OR14A2: variants seen among roughly 807,000 people sequenced by gnomAD.
The protein encoded by OR14A2 is olfactory receptor 14A2.
For synonymous variants in OR14A2, 114 were observed against 58.6 expected (o/e 1.95, Z -4.32); for missense variants, 237 against 152.9 (o/e 1.55, Z -2.90).
chr1:247,742,267 TACACACACACACGC>T, the OR14A2 span, among the ~76,000 whole-genome samples: 2 of 151,960 alleles, frequency 1.3e-5, no homozygotes, highest in African/African-American at 4.8e-5. Flanking sequence ...GTTGAGATAA[TACACACACACACGC>T]ACACACACAC....
chr1:247,739,631 C>T, the OR14A2 span: 1 of 649,176 alleles, frequency 1.5e-6, no homozygotes, highest in Non-Finnish European at 2.8e-6. Context: ...TTAAAATTAT[C>T]TCTATTTTGG....
chr1:247,743,403 G>T, the OR14A2 span, among the ~76,000 whole-genome samples: 3 of 152,124 alleles, frequency 2.0e-5, no homozygotes, highest in Admixed American at 1.3e-4. Context: ...GGAGCACCTT[G>T]GCCCCTCCAG....
the OR14A2 span, among the ~76,000 whole-genome samples, chr1:247,737,531 CCT>C: frequency 0.018 from 2,677 of 152,196 alleles, 80 homozygotes; most frequent in African/African-American, 0.061. Flanking sequence ...CTTAAAGCCT[CCT>C]CTGTTTGACC....
chr1:247,730,293 T>C, the OR14A2 span, among the ~76,000 whole-genome samples: 2 of 152,112 alleles, frequency 1.3e-5, no homozygotes, highest in African/African-American at 2.4e-5. Context: ...GATTCAAACA[T>C]AGCAAAAAAA....
At chr1:247,739,231 T>G in the OR14A2 span, 1 of 780,776 alleles carries the variant, frequency 1.3e-6, no homozygotes. Context: ...TGTTATGCAT[T>G]TTCATGTTTA....
chr1:247,747,511 G>A, the OR14A2 span, among the ~76,000 whole-genome samples: 3 of 151,986 alleles, frequency 2.0e-5, no homozygotes, highest in Non-Finnish European at 4.4e-5. Flanking sequence ...ACAGGCGCTC[G>A]CCACCACGCC....
At chr1:247,723,213 A>G in exon 1 of OR14A2, 1 of 717,746 alleles carries the variant, frequency 1.4e-6, no homozygotes, top group Non-Finnish European at 2.6e-6. Context: ...GAGGCATCAC[A>G]GTGTAGATCA....
chr1:247,723,114 C>T (rs923343406), exon 1 of OR14A2: 12 of 715,354 alleles, frequency 1.7e-5, no homozygotes, highest in African/African-American at 3.5e-5. Context: ...TGAAGTAAGC[C>T]TCCTGACCAT....
chr1:247,746,975 A>G, the OR14A2 span: 2 of 152,232 alleles, frequency 1.3e-5, no homozygotes, highest in Non-Finnish European at 2.9e-5. Flanking sequence ...GATACTTAAA[A>G]AAGGTAGACA....
chr1:247,723,143 T>G, exon 1 of OR14A2: 1 of 717,464 alleles, frequency 1.4e-6, no homozygotes, highest in Non-Finnish European at 2.6e-6. Context: ...TGCAGCAACC[T>G]TATCAGAGCA....
chr1:247,742,865 A>G, the OR14A2 span, among the ~76,000 whole-genome samples: 1 of 152,290 alleles, frequency 6.6e-6, no homozygotes, highest in African/African-American at 2.4e-5. Context: ...TTAATTAGAG[A>G]TAGGAATTCT....
chr1:247,730,510 G>T, the OR14A2 span, among the ~76,000 whole-genome samples: 2 of 151,530 alleles, frequency 1.3e-5, no homozygotes, highest in Non-Finnish European at 2.9e-5. Context: ...GTGATTATTT[G>T]AATAATTTTT....
chr1:247,738,638 G>A, the OR14A2 span: 2 of 779,986 alleles, frequency 2.6e-6, no homozygotes, highest in African/African-American at 3.4e-5. Flanking sequence ...CACAGATGAT[G>A]GAATTCTTGC....
the OR14A2 span, among the ~76,000 whole-genome samples, chr1:247,741,945 C>T: frequency 3.7e-4 from 56 of 152,270 alleles, no homozygotes; most frequent in East Asian, 9.8e-3. Context: ...ATACCCTCCC[C>T]GCCTTGTTTT....
chr1:247,743,266 A>G, the OR14A2 span, among the ~76,000 whole-genome samples: 1 of 151,764 alleles, frequency 6.6e-6, no homozygotes, highest in Non-Finnish European at 1.5e-5. Flanking sequence ...TCCTCTCTGG[A>G]GTGACCCCAC....
the OR14A2 span, among the ~76,000 whole-genome samples, chr1:247,736,801 T>A: frequency 2.0e-5 from 3 of 152,182 alleles, no homozygotes; most frequent in East Asian, 3.8e-4. Flanking sequence ...AAGGAGGCTT[T>A]ACTTTTGGGG....
the OR14A2 span, among the ~76,000 whole-genome samples, chr1:247,735,156 G>C: frequency 1.1e-4 from 16 of 152,176 alleles, no homozygotes; most frequent in African/African-American, 3.6e-4. Context: ...CGTCATTTGT[G>C]AGAATCTGAA....
At chr1:247,728,750 C>T (rs1418274340), upstream of OR14A2, among the ~76,000 whole-genome samples, 3 of 151,882 alleles carry the variant, frequency 2.0e-5, no homozygotes, top group African/African-American at 7.3e-5. Context: ...AAATTAATAC[C>T]GTAAAATAAT....
chr1:247,729,774 C>G, the OR14A2 span, among the ~76,000 whole-genome samples: 1 of 151,714 alleles, frequency 6.6e-6, no homozygotes, highest in Admixed American at 6.6e-5. Flanking sequence ...ATGTCACTCT[C>G]TATCCTTTCC....
Sources: gnomAD v4.1 joint callset for allele counts (sites outside exome capture counted in the v4.1 genomes callset) on GRCh38, gnomAD v4.1.1 for gene constraint, MANE v1.5 for transcripts, NCBI Gene and HGNC (gene_info 2026-07-23, HGNC 2026-07-21) for gene names.